The following PDGFD variants were observed in gnomAD, a reference collection of about 807,000 sequenced individuals.
The protein encoded by PDGFD is platelet derived growth factor D.
A neutral mutation model predicts 44.7 loss-of-function variants in PDGFD; 30 were observed. The observed-to-expected ratio is 0.67, with a 90% CI of 0.50 to 0.91. The LOEUF is 0.91. Among genes scored for constraint, PDGFD ranks in the 40% least tolerant of loss-of-function variants. The pLI, the probability that PDGFD is intolerant of heterozygous loss-of-function variation, is 0.00. For synonymous variants in PDGFD, 173 were observed against 168.4 expected (o/e 1.03, Z -0.21); for missense variants, 445 against 457.8 (o/e 0.97, Z 0.25).
chr11:104,046,487 A>G (rs1860444159), intron 1 of PDGFD, among the ~76,000 whole-genome samples: 1 of 147,692 alleles, frequency 6.8e-6, no homozygotes, highest in African/African-American at 2.5e-5. Flanking sequence ...CTCCAAAACA[A>G]TAATTGACAG....
chr11:104,046,849 G>C (rs530626552), intron 1 of PDGFD, among the ~76,000 whole-genome samples: 1 of 146,468 alleles, frequency 6.8e-6, no homozygotes, highest in Non-Finnish European at 1.5e-5. Context: ...CCATCAACCT[G>C]TCATCTACAT....
intron 1 of PDGFD, chr11:104,037,234 C>A: frequency 6.2e-7 from 1 of 1,613,800 alleles, no homozygotes; most frequent in Non-Finnish European, 8.5e-7. Flanking sequence ...GGCCGGCCTG[C>A]AAGGTCTGGG....
intron 1 of PDGFD, among the ~76,000 whole-genome samples, chr11:104,042,177 C>T (rs750175959): frequency 3.3e-5 from 5 of 152,110 alleles, no homozygotes; most frequent in Non-Finnish European, 5.9e-5. Flanking sequence ...TCTTAGGTAC[C>T]GATTTATATG....
rs1857990968 is a variant in PDGFD at position 103,909,342 on chromosome 11, A to G, written c.*352T>C. 6.2e-6 allele frequency: 1 copy of G among 161,966 alleles called. No individual in the cohort carries two copies. The highest frequency in any genetic ancestry group is 2.0e-4 in the South Asian group (1 of 5,056). 10.0% of individuals were successfully genotyped at this position (161,966 alleles called of 1,614,324 possible). On this transcript the variant is annotated 3_prime_UTR_variant, in exon 7 of 7. Transcript: ENST00000393158. ...ATCCCTTATTTTGGCAAAGGATTTT[A>G]AGAGTCTAACTCAAACATATGTAAG... is the stretch of plus-strand genomic sequence containing the variant.
At chr11:103,945,628 G>A (rs561033752) in intron 4 of PDGFD, 5 of 152,244 alleles carry the variant, frequency 3.3e-5, no homozygotes, top group South Asian at 2.1e-4. Flanking sequence ...CAGGGACACC[G>A]ATCAAGTCAT....
At chr11:104,120,695 G>C (rs1220834346) in intron 1 of PDGFD, among the ~76,000 whole-genome samples, 1 of 151,848 alleles carries the variant, frequency 6.6e-6, no homozygotes, top group African/African-American at 2.4e-5. Context: ...TCTCAGTAAA[G>C]AGTCATCCCT....
chr11:104,090,628 CAAAAA>C (rs66464259), intron 1 of PDGFD, among the ~76,000 whole-genome samples: 1 of 134,620 alleles, frequency 7.4e-6, no homozygotes. Flanking sequence ...GACCCTGTCT[CAAAAA>C]AAAAAAAAAA....
At position 103,996,175 on chromosome 11, in the gene PDGFD, T is replaced by C. The variant is rs1428716301; in HGVS notation, c.400A>G (p.Lys134Glu). 1 of 1,613,628 alleles carries C rather than the reference T, an allele frequency of 6.2e-7. No individual in the cohort carries two copies. Among genetic ancestry groups the C allele is most frequent in the South Asian group, 1.1e-5 (1 of 91,062 alleles). Residue 134 changes from lysine (K) to glutamate (E), a missense_variant, in exon 3 of 7, where the codon AAG (lysine) becomes GAG (glutamate). Lys to Glu is a moderately conservative substitution (Grantham distance 56). Transcript: ENST00000393158. The stretch of plus-strand genomic sequence containing the variant: ...GATTTTATCCTTGGAGGAACTTCCT[T>C]GTGTCCACACCATCGTCCTCTAATA... ...TIIRGRWCGH[K>E]EVPPRIKSRT...
At chr11:103,993,170 C>T (rs1331086044) in intron 3 of PDGFD, among the ~76,000 whole-genome samples, 1 of 152,116 alleles carries the variant, frequency 6.6e-6, no homozygotes, top group Non-Finnish European at 1.5e-5. Context: ...TGGGCTCACA[C>T]AGTCCTCCAG....
chr11:104,035,130 T>C (rs1860204290), intron 1 of PDGFD, among the ~76,000 whole-genome samples: 1 of 151,978 alleles, frequency 6.6e-6, no homozygotes, highest in Non-Finnish European at 1.5e-5. Flanking sequence ...GCCTCTAGGG[T>C]GGCATCCTTA....
intron 1 of PDGFD, among the ~76,000 whole-genome samples, chr11:104,160,691 C>G (rs962042286): frequency 6.6e-6 from 1 of 152,080 alleles, no homozygotes; most frequent in African/African-American, 2.4e-5. Flanking sequence ...GTTATAGAGC[C>G]TCATGTTCTC....
At chr11:104,127,247 G>A (rs1861854766) in intron 1 of PDGFD, among the ~76,000 whole-genome samples, 1 of 152,086 alleles carries the variant, frequency 6.6e-6, no homozygotes, top group South Asian at 2.1e-4. Flanking sequence ...CCCACATTTT[G>A]CTGCACATTG....
chr11:104,007,563 T>C (rs900721283), intron 1 of PDGFD, among the ~76,000 whole-genome samples: 3 of 152,162 alleles, frequency 2.0e-5, no homozygotes, highest in Non-Finnish European at 4.4e-5. Flanking sequence ...ACAAACTCAG[T>C]GGAACACTAC....
intron 1 of PDGFD, among the ~76,000 whole-genome samples, chr11:104,116,476 T>A (rs1861639427): frequency 1.3e-5 from 2 of 152,030 alleles, no homozygotes; most frequent in Admixed American, 1.3e-4. Flanking sequence ...TGCCTCCAAA[T>A]TTGATTGACA....
At chr11:104,134,830 C>T (rs973441965) in intron 1 of PDGFD, among the ~76,000 whole-genome samples, 3 of 152,210 alleles carry the variant, frequency 2.0e-5, no homozygotes, top group East Asian at 1.9e-4. Context: ...AGTCTCCTTT[C>T]TGACTGCCTC....
chr11:103,935,878 T>C (rs1265093818), intron 5 of PDGFD, among the ~76,000 whole-genome samples: 2 of 152,206 alleles, frequency 1.3e-5, no homozygotes, highest in Non-Finnish European at 2.9e-5. Context: ...GGTCTGTAAG[T>C]GACTTCTCCA....
intron 1 of PDGFD, among the ~76,000 whole-genome samples, chr11:104,103,870 G>A (rs1184380313): frequency 6.6e-6 from 1 of 151,962 alleles, no homozygotes; most frequent in Non-Finnish European, 1.5e-5. Context: ...CATTATTTTA[G>A]AGTGTATTCC....
chr11:103,935,841 A>G (rs1174132723), intron 5 of PDGFD, among the ~76,000 whole-genome samples: 1 of 152,168 alleles, frequency 6.6e-6, no homozygotes, highest in Non-Finnish European at 1.5e-5. Context: ...GAGCCATTTT[A>G]CAAAGAGAAG....
At chr11:104,131,539 C>T (rs1451920700) in intron 1 of PDGFD, among the ~76,000 whole-genome samples, 1 of 151,778 alleles carries the variant, frequency 6.6e-6, no homozygotes, top group Non-Finnish European at 1.5e-5. Context: ...AGAGACTTTG[C>T]CTACATATCC....
Sources: gnomAD v4.1 joint callset for allele counts (sites outside exome capture counted in the v4.1 genomes callset) on GRCh38, gnomAD v4.1.1 for gene constraint, MANE v1.5 for transcripts, NCBI Gene and HGNC (gene_info 2026-07-23, HGNC 2026-07-21) for gene names.